CTNNA2: variants seen among roughly 807,000 people sequenced by gnomAD.
The protein encoded by CTNNA2 is catenin alpha-2.
In CTNNA2, 42 loss-of-function variants were observed where a neutral mutation model predicts 101.0. The observed-to-expected ratio is 0.42, with a 90% CI of 0.32 to 0.54. The LOEUF is 0.54. Ranked by LOEUF, CTNNA2 falls within the 20% of genes least tolerant of loss-of-function variation. The pLI is 0.14. For synonymous variants in CTNNA2, 450 were observed against 456.4 expected (o/e 0.99, Z 0.18); for missense variants, 871 against 1,223.1 (o/e 0.71, Z 4.29).
chr2:80,242,856 A>C (rs964766768), intron 7 of CTNNA2, among the ~76,000 whole-genome samples: 35 of 152,276 alleles, frequency 2.3e-4, no homozygotes, highest in African/African-American at 7.2e-4. Flanking sequence ...ATCCTGCTAG[A>C]TGGAGCAGAA....
chr2:79,602,324 T>C (rs1023918037), intron 1 of CTNNA2, among the ~76,000 whole-genome samples: 1 of 152,044 alleles, frequency 6.6e-6, no homozygotes, highest in Non-Finnish European at 1.5e-5. Context: ...AAGTACTTGA[T>C]AAAATTCAGT....
At chr2:79,185,497 T>C (rs989071802) in intron 1 of CTNNA2, 2 of 152,228 alleles carry the variant, frequency 1.3e-5, no homozygotes, top group South Asian at 4.1e-4. Flanking sequence ...TTCATGTATC[T>C]TGGGACATTA....
chr2:80,043,018 C>CCTTTTT lies in CTNNA2; in HGVS notation c.1056+133225_1056+133226insTTCTTT, dbSNP rs1558754450. On this transcript the variant is annotated intron_variant, in intron 7 of 18. Transcript: ENST00000402739. The stretch of plus-strand genomic sequence containing the variant: ...TTCCTTCCTTTCCTTCCTTTCTTTC[C>CCTTTTT]CTTTCTTTCTTTCTTTCTTTCCTTC... Among the ~76,000 whole-genome samples the CCTTTTT allele has an allele frequency of 8.9e-5, 12 of 135,496 alleles. 1 individual carries two copies. The highest frequency in any genetic ancestry group is 3.0e-4 in the African/African-American group (10 of 33,896). The allele number at this position is 135,496 out of a possible 152,430, so 88.9% of individuals were successfully genotyped here.
chr2:80,136,852 C>T (rs892890419), intron 7 of CTNNA2, among the ~76,000 whole-genome samples: 2 of 152,162 alleles, frequency 1.3e-5, no homozygotes, highest in African/African-American at 4.8e-5. Flanking sequence ...TGCCCAACCT[C>T]TTTACTGGAC....
chr2:80,384,207 A>G (rs553531583), intron 7 of CTNNA2, among the ~76,000 whole-genome samples: 1 of 152,284 alleles, frequency 6.6e-6, no homozygotes, highest in South Asian at 2.1e-4. Context: ...GAAAAAATAT[A>G]TATCAGGTAC....
chr2:80,476,885 G>A lies in CTNNA2; in HGVS notation c.1290+57284G>A, dbSNP rs112534600. On this transcript the variant is annotated intron_variant, in intron 9 of 18. Transcript: ENST00000402739. ...TGTTGAAGAAGAAAATTGCTTGATA[G>A]CAGTGGCCATGTTATCAGGATTCAT... 4.0e-3 allele frequency among the ~76,000 whole-genome samples: 603 copies of A among 152,256 alleles called. 1 individual carries two copies. The highest frequency in any genetic ancestry group is 0.014 in the African/African-American group (586 of 41,554).
chr2:80,503,847 T>C (rs1298406558), intron 9 of CTNNA2, among the ~76,000 whole-genome samples: 2 of 152,036 alleles, frequency 1.3e-5, no homozygotes, highest in African/African-American at 4.8e-5. Context: ...GTTTGGAGTC[T>C]AGGAAATAGT....
intron 11 of CTNNA2, among the ~76,000 whole-genome samples, chr2:80,550,484 G>A (rs1338151045): frequency 1.3e-5 from 2 of 152,174 alleles, no homozygotes; most frequent in African/African-American, 4.8e-5. Context: ...CTGTTTGACA[G>A]CACTTTATCC....
chr2:79,896,102 G>A lies in CTNNA2; in HGVS notation c.853-13492G>A, dbSNP rs146615677. 3.1e-4 allele frequency among the ~76,000 whole-genome samples: 47 copies of A among 152,160 alleles called. No individual in the cohort carries two copies. In the East Asian group the frequency reaches 8.7e-3, roughly 28 times the overall value. The stretch of plus-strand genomic sequence containing the variant: ...GGTCGAAACCAGCCTGGGCAATGTG[G>A]CAAAACGCTGTATCTACAAAAAATA... On this transcript the variant is annotated intron_variant, in intron 6 of 18. Coordinates refer to ENST00000402739, the MANE Select transcript of CTNNA2 (RefSeq NM_001282597.3).
intron 4 of CTNNA2, among the ~76,000 whole-genome samples, chr2:79,453,845 C>A (rs1464222538): frequency 6.6e-6 from 1 of 151,952 alleles, no homozygotes; most frequent in African/African-American, 2.4e-5. Context: ...GCCATAGAGA[C>A]AAAAACAGAG....
intron 2 of CTNNA2, among the ~76,000 whole-genome samples, chr2:79,659,096 T>C (rs1485211827): frequency 6.6e-6 from 1 of 151,954 alleles, no homozygotes; most frequent in Non-Finnish European, 1.5e-5. Context: ...TTTGGTGCAA[T>C]TAAAATCAGG....
At chr2:80,251,934 G>T (rs1212075707) in intron 7 of CTNNA2, among the ~76,000 whole-genome samples, 1 of 152,136 alleles carries the variant, frequency 6.6e-6, no homozygotes, top group Non-Finnish European at 1.5e-5. Flanking sequence ...GTTTTAAATG[G>T]CTGCAGTTTT....
chr2:79,892,973 CT>C (rs945357019), intron 6 of CTNNA2, among the ~76,000 whole-genome samples: 8 of 152,272 alleles, frequency 5.3e-5, no homozygotes, highest in Admixed American at 2.6e-4. Context: ...TACCAAAGCA[CT>C]ATACCCGTCC....
At position 80,586,190 on chromosome 2, in the gene CTNNA2, CA is replaced by C. The variant is rs1352445751; in HGVS notation, c.2008-3113del. 3.3e-5 allele frequency: 5 copies of C among 152,230 alleles called. No homozygotes were observed. The East Asian group carries it at 9.7e-4, about 29-fold the overall frequency. The allele number at this position is 152,230 out of a possible 1,614,324, so 9.4% of individuals were successfully genotyped here. ...CTAGGGAAGCATATAAAGAAGTTAG[CA>C]GTAGGGCATTAATAGGAATTAATTA... On this transcript the variant is annotated intron_variant, in intron 14 of 18. Coordinates refer to ENST00000402739, the MANE Select transcript of CTNNA2 (RefSeq NM_001282597.3).
intron 5 of CTNNA2, among the ~76,000 whole-genome samples, chr2:79,507,344 G>C (rs1671434735): frequency 6.6e-6 from 1 of 152,250 alleles, no homozygotes; most frequent in African/African-American, 2.4e-5. Context: ...AACTTTTAGA[G>C]GTGTTTAGGT....
chr2:80,037,376 C>CA (rs996149769), intron 7 of CTNNA2, among the ~76,000 whole-genome samples: 16 of 151,820 alleles, frequency 1.1e-4, no homozygotes, highest in Admixed American at 2.0e-4. Flanking sequence ...TTCACTACTG[C>CA]AAAAAAAATG....
At chr2:80,069,445 TTATCTC>T (rs1193703056) in intron 7 of CTNNA2, among the ~76,000 whole-genome samples, 10 of 152,170 alleles carry the variant, frequency 6.6e-5, no homozygotes, top group African/African-American at 2.4e-5. Flanking sequence ...AAATCATACT[TTATCTC>T]TAAATAAAAA....
rs573820619 is a variant in CTNNA2, at chr2:80,510,526, C to A, written c.1291-34456C>A. Among the ~76,000 whole-genome samples the A allele has an allele frequency of 1.1e-4, 17 of 152,316 alleles. 1 individual carries two copies. In the Middle Eastern group the frequency reaches 0.01, roughly 91 times the overall value. ...AGACCCAGCTCAACAATCACCATAG[C>A]TTCACCTTGATATATCATACATGCC... On this transcript the variant is annotated intron_variant, in intron 9 of 18. Transcript: ENST00000402739.
At chr2:80,522,716 G>A (rs537882628) in intron 9 of CTNNA2, among the ~76,000 whole-genome samples, 2 of 152,132 alleles carry the variant, frequency 1.3e-5, no homozygotes, top group African/African-American at 2.4e-5. Flanking sequence ...TGCCAGCCAC[G>A]TGAAGACGGC....
Sources: gnomAD v4.1 joint callset for allele counts (sites outside exome capture counted in the v4.1 genomes callset) on GRCh38, gnomAD v4.1.1 for gene constraint, MANE v1.5 for transcripts, NCBI Gene and HGNC (gene_info 2026-07-23, HGNC 2026-07-21) for gene names.